DMXL2: variants seen among roughly 807,000 people sequenced by gnomAD.
The protein encoded by DMXL2 is Dmx like 2, also known as dmX-like protein 2.
Under a neutral mutation model 331.1 loss-of-function variants are expected in DMXL2, and 103 were observed. The ratio of observed to expected loss-of-function variants is 0.31; its 90% CI spans 0.27 to 0.37. The LOEUF (loss-of-function observed/expected upper bound fraction) is 0.37. Ranked by LOEUF, DMXL2 falls within the 10% of genes least tolerant of loss-of-function variation. The pLI is 1.00. For synonymous variants in DMXL2, 1,281 were observed against 1,252.1 expected (o/e 1.02, Z -0.49); for missense variants, 3,171 against 3,642.9 (o/e 0.87, Z 3.33).
chr15:51,509,426 C>T (rs2046617519), intron 15 of DMXL2, among the ~76,000 whole-genome samples: 1 of 152,192 alleles, frequency 6.6e-6, no homozygotes, highest in South Asian at 2.1e-4. Context: ...ATACTATAAA[C>T]ACCTCTACAC....
chr15:51,579,157 A>G (rs1361225072), intron 1 of DMXL2, among the ~76,000 whole-genome samples: 1 of 152,184 alleles, frequency 6.6e-6, no homozygotes, highest in Non-Finnish European at 1.5e-5. Context: ...GAATGGTCTC[A>G]AACCCCCTAC....
Position 51,499,515 on chromosome 15 carries a change from C to G in DMXL2, c.3709G>C (p.Asp1237His). 1 of 1,614,108 alleles carries G rather than the reference C, an allele frequency of 6.2e-7. No individual in the cohort carries two copies. The highest frequency in any genetic ancestry group is 8.5e-7 in the Non-Finnish European group (1 of 1,180,024). Residue 1237 changes from aspartate (D) to histidine (H), a missense_variant, in exon 18 of 44, where the codon GAC (aspartate) becomes CAC (histidine). By Grantham distance (81) the Asp-to-His change is moderately conservative. Around this residue, in one of 7 missense-constraint regions of DMXL2, gnomAD observed 1,674 missense variants for 1,780.2 expected, o/e 0.94. Transcript: ENST00000560891. ...KSRWVLLRSI[D>H]LVSSVDGTPS... ...GTACCATCAACAGAAGATACCAAGT[C>G]TATAGATCTAAGAAGAACCCATCTT... is the stretch of plus-strand genomic sequence containing the variant.
rs542040732 is a variant in DMXL2 at position 51,558,633 on chromosome 15, C to T, written c.567+4748G>A. 8.5e-5 allele frequency among the ~76,000 whole-genome samples: 13 copies of T among 152,250 alleles called. No homozygotes were observed. The South Asian group carries it at 2.5e-3, about 29-fold the overall frequency. ...TTCCTGTCTATATTGTTCATGCAAC[C>T]GTTAAGCAACTACCTCTGTGCCAAC... is the stretch of plus-strand genomic sequence containing the variant. On this transcript the variant is annotated intron_variant, in intron 6 of 43. Transcript: ENST00000560891.
At chr15:51,494,677 A>T (rs986447332) in intron 19 of DMXL2, among the ~76,000 whole-genome samples, 18 of 152,176 alleles carry the variant, frequency 1.2e-4, no homozygotes, top group African/African-American at 3.9e-4. Flanking sequence ...AACACATCGC[A>T]GAGCAAAGTT....
intron 13 of DMXL2, among the ~76,000 whole-genome samples, chr15:51,521,306 T>C (rs575523609): frequency 6.6e-6 from 1 of 152,150 alleles, no homozygotes; most frequent in East Asian, 1.9e-4. Context: ...AAAGTATGGA[T>C]AGTAATATTA....
At position 51,480,722 on chromosome 15, in the gene DMXL2, T is replaced by A; in HGVS notation, c.6384A>T (p.Gln2128His). The A allele has an allele frequency of 6.2e-7, 1 of 1,606,922 alleles. No homozygotes were observed. The highest frequency in any genetic ancestry group is 8.5e-7 in the Non-Finnish European group (1 of 1,175,524). Residue 2128 changes from glutamine (Q) to histidine (H), a missense_variant, in exon 24 of 44, where the codon CAA becomes CAT. Gln to His is a conservative substitution (Grantham distance 24). Transcript: ENST00000560891. ...KPDIGSYERH[Q>H]IERRRLQAKR... is the part of the protein sequence containing the mutation. ...TGGCCTGCAATCTTCTTCTTTCTAT[T>A]TGATGGCGCTCATAGGAACCAATAT...
chr15:51,496,675 G>A (rs976373251), intron 18 of DMXL2, among the ~76,000 whole-genome samples: 1 of 152,344 alleles, frequency 6.6e-6, no homozygotes, highest in East Asian at 1.9e-4. Context: ...GGAGATGACA[G>A]GGACTTGGAC....
intron 13 of DMXL2, among the ~76,000 whole-genome samples, chr15:51,526,347 G>C (rs1400467286): frequency 6.6e-6 from 1 of 152,200 alleles, no homozygotes; most frequent in Non-Finnish European, 1.5e-5. Flanking sequence ...GCATTAATGG[G>C]CTTGGGGTCC....
intron 11 of DMXL2, 69 bp from the exon 12 acceptor site, chr15:51,536,931 C>G: frequency 7.8e-7 from 1 of 1,275,008 alleles, no homozygotes; most frequent in Non-Finnish European, 1.1e-6. Context: ...CTTCTATTCT[C>G]AAAATACCAA....
At chr15:51,484,202 A>G (rs1877422938) in intron 23 of DMXL2, among the ~76,000 whole-genome samples, 1 of 152,098 alleles carries the variant, frequency 6.6e-6, no homozygotes, top group African/African-American at 2.4e-5. Flanking sequence ...GTGAGGCCAC[A>G]TATGAGCCCT....
At chr15:51,526,316 G>A (rs911781375) in intron 13 of DMXL2, among the ~76,000 whole-genome samples, 8 of 152,126 alleles carry the variant, frequency 5.3e-5, no homozygotes, top group South Asian at 2.1e-4. Flanking sequence ...GCAGTACCTC[G>A]AAGAGTCTGC....
chr15:51,530,716 C>T (rs1428572923), intron 13 of DMXL2, among the ~76,000 whole-genome samples: 1 of 152,176 alleles, frequency 6.6e-6, no homozygotes, highest in Admixed American at 6.5e-5. Context: ...GATCACACCA[C>T]TGCACTCCAG....
At chr15:51,560,961 T>A (rs370775220) in intron 6 of DMXL2, among the ~76,000 whole-genome samples, 1 of 149,850 alleles carries the variant, frequency 6.7e-6, no homozygotes, top group East Asian at 1.9e-4. Flanking sequence ...GTTTTATATA[T>A]ACTTTTTTAA....
At chr15:51,617,733 C>T (rs2054373010) in intron 1 of DMXL2, among the ~76,000 whole-genome samples, 1 of 152,152 alleles carries the variant, frequency 6.6e-6, no homozygotes, top group South Asian at 2.1e-4. Flanking sequence ...TTTTACAGAT[C>T]AAAGACCTAA....
Position 51,453,497 on chromosome 15 carries a change from G to A in DMXL2, c.8696+53C>T. 8 of 1,362,746 alleles carry A rather than the reference G, an allele frequency of 5.9e-6. No homozygotes were observed. The South Asian group carries it at 9.3e-5, about 16-fold the overall frequency. 84.4% of individuals were successfully genotyped at this position (1,362,746 alleles called of 1,614,324 possible). A position where few individuals can be genotyped will look rare whatever the true frequency, so the allele number is the denominator to read the frequency against. ...TAATAGAAAAGTATTCTTGCTAAAG[G>A]TATGGATTTCTAACGTTTTTATATT... On this transcript the variant is annotated intron_variant, in intron 41 of 43. Coordinates refer to ENST00000560891, the MANE Select transcript of DMXL2 (RefSeq NM_001378457.1).
At chr15:51,574,463 C>T (rs2050880803) in intron 2 of DMXL2, among the ~76,000 whole-genome samples, 1 of 152,112 alleles carries the variant, frequency 6.6e-6, no homozygotes, top group Admixed American at 6.6e-5. Context: ...GATTTTAAGG[C>T]ACTGTTATAC....
intron 3 of DMXL2, among the ~76,000 whole-genome samples, chr15:51,566,235 GTGTGTGTGTGTGTGT>G (rs1567126712): frequency 6.2e-4 from 1 of 1,618 alleles, no homozygotes; most frequent in African/African-American, 8.8e-4. Context: ...TGTGTGGGGT[GTGTGTGTGTGTGTGT>G]GTGTGTGTGT....
chr15:51,526,825 T>C (rs985295042), intron 13 of DMXL2, among the ~76,000 whole-genome samples: 1 of 152,096 alleles, frequency 6.6e-6, no homozygotes, highest in African/African-American at 2.4e-5. Flanking sequence ...ATTTATGAGT[T>C]TGAAAACACA....
At chr15:51,556,259 C>T (rs973617061) in intron 6 of DMXL2, among the ~76,000 whole-genome samples, 4 of 148,098 alleles carry the variant, frequency 2.7e-5, no homozygotes, top group Non-Finnish European at 4.4e-5. Context: ...AGGAGAATGG[C>T]GTGAACCCAG....
Sources: allele counts gnomAD v4.1 joint callset (sites outside exome capture counted in the v4.1 genomes callset), GRCh38; gene constraint gnomAD v4.1.1; regional missense constraint gnomAD v4.1.1; transcripts MANE v1.5; gene names NCBI Gene and HGNC (gene_info 2026-07-23, HGNC 2026-07-21).